Variants in SACM1L observed in about 807,000 individuals in gnomAD.
SACM1L encodes phosphatidylinositol-3-phosphatase SAC1.
Under a neutral mutation model 89.5 loss-of-function variants are expected in SACM1L, and 32 were observed. That is an observed-to-expected ratio of 0.36 (90% CI 0.27 to 0.48). The LOEUF is 0.48. SACM1L is among the 20% of genes least tolerant of loss of function. The pLI, the probability that SACM1L is intolerant of heterozygous loss-of-function variation, is 0.99. For synonymous variants in SACM1L, 213 were observed against 232.8 expected (o/e 0.92, Z 0.77); for missense variants, 543 against 708.5 (o/e 0.77, Z 2.65).
intron 1 of SACM1L, among the ~76,000 whole-genome samples, chr3:45,694,439 G>A (rs1249080762): frequency 6.6e-6 from 1 of 152,188 alleles, no homozygotes; most frequent in Non-Finnish European, 1.5e-5. Context: ...ATTCACAGAA[G>A]TCTCCCGGTG....
At chr3:45,727,307 T>C (rs889453448) in intron 11 of SACM1L, among the ~76,000 whole-genome samples, 1 of 152,214 alleles carries the variant, frequency 6.6e-6, no homozygotes, top group African/African-American at 2.4e-5. Flanking sequence ...GTTTTTCACA[T>C]GTTTGTGAAA....
chr3:45,711,933 G>A (rs1291151253), intron 5 of SACM1L, among the ~76,000 whole-genome samples: 2 of 152,014 alleles, frequency 1.3e-5, no homozygotes, highest in Non-Finnish European at 2.9e-5. Context: ...TTCAACAGCA[G>A]TTTTGTTTTA....
intron 6 of SACM1L, 103 bp downstream of exon 6, chr3:45,713,299 A>G: frequency 4.5e-6 from 4 of 888,038 alleles, no homozygotes; most frequent in East Asian, 5.1e-5. Flanking sequence ...TCGAGAAACA[A>G]TTCTAATTTA....
At chr3:45,689,792 T>A (rs1411601017) in intron 1 of SACM1L, 6 of 564,544 alleles carry the variant, frequency 1.1e-5, no homozygotes, top group Non-Finnish European at 1.9e-5. Flanking sequence ...GATGCGGCCC[T>A]TCAGGGCACG....
chr3:45,706,790 T>TA lies in SACM1L; in HGVS notation c.217dup (p.Ile73AsnfsTer11), dbSNP rs1294768281. On this transcript the variant is annotated frameshift_variant, in exon 4 of 20. Transcript: ENST00000389061. LOFTEE classifies it high-confidence loss of function. ...GCTTGCTTTTTGCAGGTAATTATCT[T>TA]ATAGTCATTACCAAAAAGATAAAAG... is the stretch of plus-strand genomic sequence containing the variant. 6.2e-7 allele frequency: 1 copy of TA among 1,608,898 alleles called. No individual in the cohort carries two copies. The highest frequency in any genetic ancestry group is 1.3e-5 in the African/African-American group (1 of 74,708).
intron 5 of SACM1L, among the ~76,000 whole-genome samples, 175 bp downstream of exon 5, chr3:45,709,822 C>T (rs973054867): frequency 6.6e-6 from 1 of 152,120 alleles, no homozygotes; most frequent in African/African-American, 2.4e-5. Flanking sequence ...TGTGTGAGTC[C>T]TTGAATCTGT....
intron 11 of SACM1L, among the ~76,000 whole-genome samples, chr3:45,724,298 GGTGTGTGTGT>G (rs61075879): frequency 7.2e-5 from 10 of 139,822 alleles, no homozygotes; most frequent in Middle Eastern, 3.5e-3. Context: ...GTTGTTTTCT[GGTGTGTGTGT>G]GTGTGTGTGT....
chr3:45,705,058 T>G, intron 2 of SACM1L, 77 bp from the exon 3 acceptor site: 2 of 911,506 alleles, frequency 2.2e-6, no homozygotes, highest in Non-Finnish European at 3.5e-6. Context: ...AAAGTAACTA[T>G]TGAAATCGAA....
intron 11 of SACM1L, chr3:45,730,767 G>A (rs2125702211): frequency 6.6e-6 from 1 of 152,336 alleles, no homozygotes; most frequent in African/African-American, 2.4e-5. Flanking sequence ...CCTTTAGATG[G>A]TCTATTGTAT....
intron 8 of SACM1L, among the ~76,000 whole-genome samples, chr3:45,721,370 A>C (rs998488575): frequency 6.6e-6 from 1 of 152,172 alleles, no homozygotes; most frequent in Non-Finnish European, 1.5e-5. Context: ...AAAAATACAA[A>C]ACTTAGCTGG....
intron 2 of SACM1L, among the ~76,000 whole-genome samples, chr3:45,704,775 G>A (rs1698347898): frequency 6.6e-6 from 1 of 152,178 alleles, no homozygotes; most frequent in Non-Finnish European, 1.5e-5. Flanking sequence ...TAAGACACAT[G>A]ATAAAATACT....
intron 2 of SACM1L, among the ~76,000 whole-genome samples, chr3:45,704,594 T>C (rs967261325): frequency 6.6e-6 from 1 of 152,206 alleles, no homozygotes; most frequent in African/African-American, 2.4e-5. Context: ...ACCATGTTGA[T>C]ACAACCTAGT....
chr3:45,717,357 G>A (rs1698685390), intron 7 of SACM1L, among the ~76,000 whole-genome samples: 1 of 152,202 alleles, frequency 6.6e-6, no homozygotes, highest in African/African-American at 2.4e-5. Flanking sequence ...TTTATAAATA[G>A]CGTAGTTTCA....
At chr3:45,722,518 CAT>C (rs1698811331) in intron 9 of SACM1L, among the ~76,000 whole-genome samples, 1 of 152,154 alleles carries the variant, frequency 6.6e-6, no homozygotes, top group Non-Finnish European at 1.5e-5. Context: ...TGTTCATAAA[CAT>C]ATTCATTTGA....
chr3:45,727,035 G>A lies in SACM1L; in HGVS notation c.921+3492G>A, dbSNP rs1195980655. 1.2e-4 allele frequency among the ~76,000 whole-genome samples: 9 copies of A among 73,790 alleles called. 3 individuals are homozygous for A. The highest frequency in any genetic ancestry group is 5.1e-4 in the East Asian group (2 of 3,908). 48.4% of individuals were successfully genotyped at this position (73,790 alleles called of 152,430 possible). ...CGAGTAGCTGGGACTACAGGCGCCC[G>A]CCACCGCGCCCGGCTAATTTTTTGT... is the stretch of plus-strand genomic sequence containing the variant. On this transcript the variant is annotated intron_variant, in intron 11 of 19. Transcript: ENST00000389061.
chr3:45,732,546 A>G (rs1699099578), intron 13 of SACM1L, among the ~76,000 whole-genome samples: 1 of 152,194 alleles, frequency 6.6e-6, no homozygotes, highest in South Asian at 2.1e-4. Context: ...CTGTTTTATC[A>G]TAACATAGTT....
chr3:45,723,094 A>G (rs1458497315), intron 10 of SACM1L, 139 bp downstream of exon 10: 14 of 729,506 alleles, frequency 1.9e-5, no homozygotes, highest in Non-Finnish European at 2.9e-5. Context: ...TCCGGCACAT[A>G]GTAAACCCCT....
intron 1 of SACM1L, among the ~76,000 whole-genome samples, chr3:45,701,142 ATTTC>A (rs946663650): frequency 6.6e-6 from 1 of 152,080 alleles, no homozygotes; most frequent in African/African-American, 2.4e-5. Flanking sequence ...TTTTAAAAAC[ATTTC>A]TTTAATTTTT....
chr3:45,706,559 T>A (rs1386597294), intron 3 of SACM1L, among the ~76,000 whole-genome samples: 2 of 152,070 alleles, frequency 1.3e-5, no homozygotes, highest in Admixed American at 1.3e-4. Flanking sequence ...TGCTTTTATC[T>A]TTTTTGAGAA....
Sources: allele counts gnomAD v4.1 joint callset (sites outside exome capture counted in the v4.1 genomes callset), GRCh38; gene constraint gnomAD v4.1.1; transcripts MANE v1.5; gene names NCBI Gene and HGNC (gene_info 2026-07-23, HGNC 2026-07-21).